Variants in SIPA1L3 observed in about 807,000 individuals in gnomAD.
SIPA1L3 encodes the protein signal induced proliferation associated 1 like 3.
Under a neutral mutation model 150.1 loss-of-function variants are expected in SIPA1L3, and 59 were observed. The ratio of observed to expected loss-of-function variants is 0.39; its 90% confidence interval spans 0.32 to 0.49. The LOEUF is 0.49. Ranked by LOEUF, SIPA1L3 falls within the 20% of genes least tolerant of loss-of-function variation. The pLI is 0.86. For synonymous variants in SIPA1L3, 1,070 were observed against 1,077.6 expected (o/e 0.99, Z 0.14); for missense variants, 2,211 against 2,489.5 (o/e 0.89, Z 2.38).
chr19:37,973,589 C>T (rs2145598897), intron 1 of SIPA1L3, among the ~76,000 whole-genome samples: 1 of 117,792 alleles, frequency 8.5e-6, no homozygotes, highest in South Asian at 3.0e-4. Flanking sequence ...CACTAAAACG[C>T]CTCTCAGCAC....
intron 1 of SIPA1L3, among the ~76,000 whole-genome samples, chr19:37,939,070 C>T (rs1366377393): frequency 6.6e-6 from 1 of 152,052 alleles, no homozygotes; most frequent in Non-Finnish European, 1.5e-5. Context: ...TGCTATTCTC[C>T]CCCCAATTCC....
intron 2 of SIPA1L3, among the ~76,000 whole-genome samples, chr19:38,032,435 G>A (rs1402314752): frequency 6.6e-6 from 1 of 152,136 alleles, no homozygotes; most frequent in African/African-American, 2.4e-5. Context: ...ATATGCATTT[G>A]AGCACCTACT....
intron 1 of SIPA1L3, among the ~76,000 whole-genome samples, chr19:37,918,660 A>G (rs955533547): frequency 6.6e-6 from 1 of 151,868 alleles, no homozygotes; most frequent in African/African-American, 2.4e-5. Flanking sequence ...ACCTGAGGTC[A>G]GGAGTTCAAG....
chr19:38,121,275 A>G (rs760507028), intron 9 of SIPA1L3, among the ~76,000 whole-genome samples: 1 of 152,098 alleles, frequency 6.6e-6, no homozygotes, highest in Non-Finnish European at 1.5e-5. Flanking sequence ...CATCTCTACT[A>G]AAAATACAAA....
At chr19:38,108,446 A>G (rs1252355054) in intron 7 of SIPA1L3, 2 of 152,240 alleles carry the variant, frequency 1.3e-5, no homozygotes, top group African/African-American at 4.8e-5. Flanking sequence ...TGATGAATTG[A>G]AGATAAGGCT....
intron 10 of SIPA1L3, among the ~76,000 whole-genome samples, chr19:38,135,961 C>T (rs914106966): frequency 6.6e-6 from 1 of 151,996 alleles, no homozygotes; most frequent in African/African-American, 2.4e-5. Context: ...ATGGCTTGCA[C>T]GCTGACCCCA....
intron 6 of SIPA1L3, among the ~76,000 whole-genome samples, chr19:38,104,275 C>G (rs146901273): frequency 6.6e-6 from 1 of 152,224 alleles, no homozygotes; most frequent in Non-Finnish European, 1.5e-5. Context: ...GTAGGAGGAA[C>G]GAGCATGTTA....
intron 9 of SIPA1L3, among the ~76,000 whole-genome samples, chr19:38,123,197 A>G (rs1971064143): frequency 6.6e-6 from 1 of 151,662 alleles, no homozygotes; most frequent in Non-Finnish European, 1.5e-5. Flanking sequence ...AGATGAGGAA[A>G]CTGAGGCCCA....
At chr19:38,165,749 A>G (rs936032590) in intron 15 of SIPA1L3, among the ~76,000 whole-genome samples, 2 of 151,932 alleles carry the variant, frequency 1.3e-5, no homozygotes, top group Non-Finnish European at 2.9e-5. Context: ...GAGACCTGAG[A>G]ACGTGCATTG....
intron 9 of SIPA1L3, among the ~76,000 whole-genome samples, chr19:38,126,193 A>AAAAAC (rs1971168144): frequency 1.3e-5 from 2 of 151,274 alleles, no homozygotes; most frequent in East Asian, 1.9e-4. Flanking sequence ...AAACAAAAAC[A>AAAAAC]AAAACAAAAC....
At chr19:38,139,565 G>A (rs745537925) in intron 10 of SIPA1L3, among the ~76,000 whole-genome samples, 10 of 152,112 alleles carry the variant, frequency 6.6e-5, no homozygotes, top group Admixed American at 2.6e-4. Context: ...TGAGACATTG[G>A]CAGCTGCCAG....
In SIPA1L3 at chr19:38,141,176, C is replaced by T. The variant is rs200615573; in HGVS notation, c.3144-8C>T. The T allele has an allele frequency of 2.5e-4, 381 of 1,548,558 alleles. 4 individuals are homozygous for T. In the African/African-American group the frequency reaches 4.5e-3, roughly 18 times the overall value. Reference sequence around the variant, plus strand: ...GGCCTTTCTGAGTAATGCAGTTTTTCTCCCCAGGGGTTGGCCGGAGACCTA... The same window carrying T: ...GGCCTTTCTGAGTAATGCAGTTTTTTTCCCCAGGGGTTGGCCGGAGACCTA... On this transcript the variant is annotated splice_polypyrimidine_tract_variant and splice_region_variant and intron_variant, in intron 10 of 21. Coordinates refer to ENST00000222345, the MANE Select transcript of SIPA1L3 (RefSeq NM_015073.3).
chr19:38,141,144 G>A, intron 10 of SIPA1L3, 40 bp from the exon 11 acceptor site: 2 of 1,527,982 alleles, frequency 1.3e-6, no homozygotes, highest in South Asian at 2.6e-5. Context: ...ACGTGTTGGT[G>A]GGCTGGGGCC....
At position 37,953,591 on chromosome 19, in the gene SIPA1L3, G is replaced by A. The variant is rs541787037; in HGVS notation, c.-379+46233G>A. ...CAAACTTACTTGAGGTGAAGGAGGG[G>A]CGAAAGCCCTTTTACTCGAATGAAA... is the stretch of plus-strand genomic sequence containing the variant. On this transcript the variant is annotated intron_variant, in intron 1 of 21. Transcript: ENST00000222345. Among the ~76,000 whole-genome samples, 6 of 152,322 alleles carry A rather than the reference G, an allele frequency of 3.9e-5. No individual in the cohort carries two copies. The South Asian group carries it at 1.2e-3, about 32-fold the overall frequency.
At chr19:38,011,016 G>A (rs571319995) in intron 1 of SIPA1L3, among the ~76,000 whole-genome samples, 1 of 152,300 alleles carries the variant, frequency 6.6e-6, no homozygotes, top group South Asian at 2.1e-4. Flanking sequence ...AGAAGACATG[G>A]ATGTGCGCAG....
At chr19:38,173,552 C>G (rs1972374695) in intron 15 of SIPA1L3, 2 of 152,436 alleles carry the variant, frequency 1.3e-5, no homozygotes, top group South Asian at 4.1e-4. Flanking sequence ...CATAGGCTCT[C>G]GGCTCCACAT....
At chr19:37,951,512 G>A (rs1392479908) in intron 1 of SIPA1L3, among the ~76,000 whole-genome samples, 2 of 152,042 alleles carry the variant, frequency 1.3e-5, no homozygotes, top group African/African-American at 2.4e-5. Flanking sequence ...CCTCTTTACA[G>A]ATTATTTTCA....
chr19:37,950,733 C>G (rs779041171), intron 1 of SIPA1L3, among the ~76,000 whole-genome samples: 14 of 152,242 alleles, frequency 9.2e-5, no homozygotes, highest in Non-Finnish European at 1.9e-4. Flanking sequence ...TGCGAGCCCT[C>G]CCAGGTCTGA....
chr19:38,084,440 G>A (rs111965965), intron 3 of SIPA1L3, among the ~76,000 whole-genome samples: 10 of 151,386 alleles, frequency 6.6e-5, no homozygotes, highest in Non-Finnish European at 1.0e-4. Context: ...TCAGAAGCCC[G>A]GTCCAACTAC....
Sources: gnomAD v4.1 joint callset for allele counts (sites outside exome capture counted in the v4.1 genomes callset) on GRCh38, gnomAD v4.1.1 for gene constraint, MANE v1.5 for transcripts, NCBI Gene and HGNC (gene_info 2026-07-23, HGNC 2026-07-21) for gene names.